Variants in SYNDIG1 observed in about 807,000 individuals in gnomAD.
SYNDIG1 encodes synapse differentiation-inducing gene protein 1.
A neutral mutation model predicts 19.4 loss-of-function variants in SYNDIG1; 9 were observed. That is an observed-to-expected ratio of 0.46 (90% CI 0.28 to 0.81). The LOEUF (loss-of-function observed/expected upper bound fraction) is 0.81, where lower values mean the gene tolerates loss of function less well. SYNDIG1 is among the 30% of genes least tolerant of loss of function. SYNDIG1 has a pLI of 0.12. For missense variants in SYNDIG1, 311 were observed against 343.3 expected, an observed-to-expected ratio of 0.91 and a Z score of 0.74; for synonymous variants, 141 against 145.9, an observed-to-expected ratio of 0.97 and a Z score of 0.24.
intron 3 of SYNDIG1, among the ~76,000 whole-genome samples, chr20:24,648,942 T>C (rs759202066): frequency 6.6e-6 from 1 of 152,258 alleles, no homozygotes; most frequent in Non-Finnish European, 1.5e-5. Flanking sequence ...GGATATATCC[T>C]TCATTCATGT....
chr20:24,629,182 G>C (rs1448312605), intron 3 of SYNDIG1, among the ~76,000 whole-genome samples: 1 of 152,232 alleles, frequency 6.6e-6, no homozygotes, highest in Admixed American at 6.5e-5. Flanking sequence ...GCCATGCCAA[G>C]GGCAGGCCCA....
intron 3 of SYNDIG1, among the ~76,000 whole-genome samples, chr20:24,590,413 C>A (rs1645783506): frequency 6.6e-6 from 1 of 152,056 alleles, no homozygotes. Context: ...GATAAGAAGC[C>A]TCGGGGGTTT....
Position 24,584,858 on chromosome 20 carries a change from C to G in SYNDIG1, c.483C>G (p.Ser161Arg). ...GTCCTGCTGGTTCTCTCTTGCAGAG[C>G]GACTACTCAAGCGACACAGAGAGTG... ...EEEEEFQELE[S>R]DYSSDTESED... is the part of the protein sequence containing the mutation. Residue 161 changes from serine to arginine, a missense_variant and splice_region_variant, in exon 3 of 4, where the codon AGC becomes AGG. By Grantham distance (110) the Ser-to-Arg change is moderately radical. Coordinates refer to ENST00000376862, the MANE Select transcript of SYNDIG1 (RefSeq NM_024893.3). 1 of 1,614,118 alleles carries G rather than the reference C, an allele frequency of 6.2e-7. No homozygotes were observed. The highest frequency in any genetic ancestry group is 8.5e-7 in the Non-Finnish European group (1 of 1,180,016).
intron 3 of SYNDIG1, among the ~76,000 whole-genome samples, chr20:24,615,674 C>T (rs932770899): frequency 2.0e-5 from 3 of 152,136 alleles, no homozygotes; most frequent in South Asian, 4.2e-4. Context: ...TCAGTTTATC[C>T]CCACACTGCT....
At chr20:24,556,421 C>T (rs1214886209) in intron 2 of SYNDIG1, among the ~76,000 whole-genome samples, 7 of 152,158 alleles carry the variant, frequency 4.6e-5, no homozygotes, top group Non-Finnish European at 8.8e-5. Flanking sequence ...TACAATTTGG[C>T]ATGATTTTGC....
intron 3 of SYNDIG1, among the ~76,000 whole-genome samples, chr20:24,661,019 G>A (rs1248610680): frequency 6.6e-6 from 1 of 152,248 alleles, no homozygotes; most frequent in African/African-American, 2.4e-5. Flanking sequence ...CACAGCCTGA[G>A]TGAAAAGCAA....
At chr20:24,649,872 G>A (rs898907733) in intron 3 of SYNDIG1, among the ~76,000 whole-genome samples, 1 of 152,182 alleles carries the variant, frequency 6.6e-6, no homozygotes, top group Non-Finnish European at 1.5e-5. Flanking sequence ...AGTACCAAAT[G>A]TAAAAGACTT....
At chr20:24,610,459 C>T (rs765509183) in intron 3 of SYNDIG1, among the ~76,000 whole-genome samples, 1 of 152,122 alleles carries the variant, frequency 6.6e-6, no homozygotes, top group Non-Finnish European at 1.5e-5. Flanking sequence ...CACGGGGGGG[C>T]GAGTGCTAAT....
intron 2 of SYNDIG1, among the ~76,000 whole-genome samples, chr20:24,581,891 A>C (rs1183277885): frequency 6.8e-6 from 1 of 146,868 alleles, no homozygotes; most frequent in Non-Finnish European, 1.5e-5. Flanking sequence ...TTCCAACTGC[A>C]CAGCCTCCTC....
chr20:24,554,080 G>A (rs1204774758), intron 2 of SYNDIG1, among the ~76,000 whole-genome samples: 1 of 152,190 alleles, frequency 6.6e-6, no homozygotes, highest in Non-Finnish European at 1.5e-5. Context: ...AATTGTGAAT[G>A]GGAGTTCACT....
intron 1 of SYNDIG1, among the ~76,000 whole-genome samples, chr20:24,473,134 T>C (rs567885317): frequency 6.6e-6 from 1 of 152,056 alleles, no homozygotes; most frequent in Non-Finnish European, 1.5e-5. Context: ...TTTGAATGAG[T>C]GGGTAAAGGT....
At chr20:24,503,561 G>A (rs1343295179) in intron 1 of SYNDIG1, among the ~76,000 whole-genome samples, 4 of 152,212 alleles carry the variant, frequency 2.6e-5, no homozygotes, top group African/African-American at 4.8e-5. Flanking sequence ...AGCAATGAGC[G>A]TCACCCCCAA....
At chr20:24,516,601 A>G (rs1382780990) in intron 1 of SYNDIG1, among the ~76,000 whole-genome samples, 2 of 152,248 alleles carry the variant, frequency 1.3e-5, no homozygotes, top group Non-Finnish European at 2.9e-5. Context: ...AGAAATACAA[A>G]TCAAAACCAC....
intron 1 of SYNDIG1, among the ~76,000 whole-genome samples, chr20:24,512,951 C>T (rs2056781507): frequency 6.6e-6 from 1 of 152,164 alleles, no homozygotes. Flanking sequence ...AATCAGGAAG[C>T]AACATTTGCT....
At chr20:24,547,735 G>A (rs1466479978) in intron 2 of SYNDIG1, among the ~76,000 whole-genome samples, 1 of 152,214 alleles carries the variant, frequency 6.6e-6, no homozygotes, top group Non-Finnish European at 1.5e-5. Flanking sequence ...GGGAATACCA[G>A]CAGTGGGAAG....
At chr20:24,497,182 T>C (rs1253025480) in intron 1 of SYNDIG1, among the ~76,000 whole-genome samples, 1 of 152,138 alleles carries the variant, frequency 6.6e-6, no homozygotes, top group Admixed American at 6.6e-5. Flanking sequence ...TTTTGTTTGT[T>C]TGTTTATGTG....
chr20:24,554,897 A>T (rs1397007842), intron 2 of SYNDIG1, among the ~76,000 whole-genome samples: 1 of 151,534 alleles, frequency 6.6e-6, no homozygotes, highest in Non-Finnish European at 1.5e-5. Flanking sequence ...TCCTCCTTGT[A>T]CCTCTGGTAG....
intron 1 of SYNDIG1, among the ~76,000 whole-genome samples, chr20:24,537,574 T>C (rs1399821530): frequency 6.6e-6 from 1 of 152,178 alleles, no homozygotes; most frequent in Non-Finnish European, 1.5e-5. Context: ...TCTTGTTTTC[T>C]CGGTATGGTA....
intron 3 of SYNDIG1, among the ~76,000 whole-genome samples, chr20:24,649,395 C>T (rs530462444): frequency 2.0e-5 from 3 of 152,294 alleles, no homozygotes; most frequent in East Asian, 3.9e-4. Flanking sequence ...TCCTTAGCAA[C>T]GATCTTTGTG....
Sources: allele counts gnomAD v4.1 joint callset (sites outside exome capture counted in the v4.1 genomes callset), GRCh38; gene constraint gnomAD v4.1.1; transcripts MANE v1.5; gene names NCBI Gene and HGNC (gene_info 2026-07-23, HGNC 2026-07-21).